The following PCDHGC3 variants were observed in gnomAD, a reference collection of about 807,000 sequenced individuals.
PCDHGC3 encodes protocadherin gamma subfamily C, 3.
PCDHGC3 carries 26 observed loss-of-function variants against 59.2 expected under a neutral mutation model. The observed-to-expected ratio is 0.44, with a 90% CI of 0.32 to 0.61. The LOEUF is 0.61. PCDHGC3 is among the 20% of genes least tolerant of loss of function. PCDHGC3 has a pLI of 0.05. For synonymous variants in PCDHGC3, 487 were observed against 519.7 expected (o/e 0.94, Z 0.86); for missense variants, 1,080 against 1,221.8 (o/e 0.88, Z 1.73).
At position 141,485,074 on chromosome 5, in the gene PCDHGC3, G is replaced by T. The variant is rs2099606548; in HGVS notation, c.2430+6528G>T. On this transcript the variant is annotated intron_variant, in intron 1 of 3. Transcript: ENST00000308177. The surrounding 1 kb of genome is among the most constrained non-coding windows in gnomAD (Gnocchi z 5.7). ...GGCCGAACCGCGCCAGAGCTGGCGCGGGGAAAGGGAGATAGGTGTCTCCAG... is the reference window on the plus strand; with the variant it reads ...GGCCGAACCGCGCCAGAGCTGGCGCTGGGAAAGGGAGATAGGTGTCTCCAG... The T allele has an allele frequency of 2.2e-6, 2 of 926,946 alleles. No homozygotes were observed. The highest frequency in any genetic ancestry group is 3.4e-6 in the Non-Finnish European group (2 of 596,630). 57.4% of individuals were successfully genotyped at this position (926,946 alleles called of 1,614,324 possible). A position where few individuals can be genotyped will look rare whatever the true frequency, so the allele number is the denominator to read the frequency against.
chr5:141,478,801 T>G (rs2099477985), intron 1 of PCDHGC3: 1 of 1,463,438 alleles, frequency 6.8e-7, no homozygotes, highest in African/African-American at 1.4e-5. Flanking sequence ...TCAGCACTCT[T>G]TTGCTATCAC....
Position 141,489,601 on chromosome 5 carries a change from G to A in PCDHGC3, c.2431-5206G>A. On this transcript the variant is annotated intron_variant, in intron 1 of 3. Transcript: ENST00000308177. This position sits in a 1 kb window ranked among gnomAD's most constrained non-coding sequence, Gnocchi z 4.5. ...CCCCCTGGAGCTAATCCGTGTAGAG[G>A]TAGAGATCCTGGATCTCAATGACAA... 2 of 1,614,042 alleles carry A rather than the reference G, an allele frequency of 1.2e-6. No individual in the cohort carries two copies. Among genetic ancestry groups the A allele is most frequent in the East Asian group, 4.5e-5 (2 of 44,882 alleles).
chr5:141,491,560 T>C lies in PCDHGC3; in HGVS notation c.2431-3247T>C. 1 of 1,613,986 alleles carries C rather than the reference T, an allele frequency of 6.2e-7. No homozygotes were observed. Among genetic ancestry groups the C allele is most frequent in the Non-Finnish European group, 8.5e-7 (1 of 1,180,026 alleles). ...GCCCACAGACTCGCAGAGCCACTGCTACAGGACGTGCTTTTCACCGGCCTC... is the reference window on the plus strand; with the variant it reads ...GCCCACAGACTCGCAGAGCCACTGCCACAGGACGTGCTTTTCACCGGCCTC... On this transcript the variant is annotated intron_variant, in intron 1 of 3. Coordinates refer to ENST00000308177, the MANE Select transcript of PCDHGC3 (RefSeq NM_002588.4). This position sits in a 1 kb window ranked among gnomAD's most constrained non-coding sequence, Gnocchi z 6.9.
intron 2 of PCDHGC3, among the ~76,000 whole-genome samples, chr5:141,502,827 A>G (rs1003204508): frequency 2.7e-5 from 4 of 150,478 alleles, no homozygotes; most frequent in African/African-American, 9.8e-5. Flanking sequence ...TCCTTGGGGA[A>G]GCCTGGACTG....
chr5:141,481,352 C>T (rs1007066307), intron 1 of PCDHGC3, among the ~76,000 whole-genome samples: 3 of 152,222 alleles, frequency 2.0e-5, no homozygotes, highest in East Asian at 1.9e-4. Flanking sequence ...TAAACATCTA[C>T]AGCTGTTCAA....
At chr5:141,481,318 A>C (rs758947998) in intron 1 of PCDHGC3, among the ~76,000 whole-genome samples, 6 of 152,216 alleles carry the variant, frequency 3.9e-5, no homozygotes, top group Non-Finnish European at 8.8e-5. Context: ...TTCCTAAAGC[A>C]CTAGCCCCTG....
In PCDHGC3 at chr5:141,485,974, A is replaced by G. The variant is rs755735500; in HGVS notation, c.2430+7428A>G. 1.9e-6 allele frequency: 3 copies of G among 1,614,108 alleles called. No homozygotes were observed. The highest frequency in any genetic ancestry group is 1.7e-5 in the Admixed American group (1 of 60,014). On this transcript the variant is annotated intron_variant, in intron 1 of 3. Coordinates refer to ENST00000308177, the MANE Select transcript of PCDHGC3 (RefSeq NM_002588.4). This position sits in a 1 kb window ranked among gnomAD's most constrained non-coding sequence, Gnocchi z 5.7. ...TGGTGCTCATCCAGCTCAATGCCTC[A>G]GACCCGGACCTGGGTCCCAGTGGTA...
At position 141,485,680 on chromosome 5, in the gene PCDHGC3, C is replaced by A. The variant is rs1450674419; in HGVS notation, c.2430+7134C>A. The A allele has an allele frequency of 6.2e-7, 1 of 1,613,966 alleles. No individual in the cohort carries two copies. On this transcript the variant is annotated intron_variant, in intron 1 of 3. Transcript: ENST00000308177. The surrounding 1 kb of genome is among the most constrained non-coding windows in gnomAD (Gnocchi z 5.7). ...ATGTGGGGAGCAATTCGATTAGCAGCTATAGGCTGAGCTCCAATGAACACT... is the reference window on the plus strand; with the variant it reads ...ATGTGGGGAGCAATTCGATTAGCAGATATAGGCTGAGCTCCAATGAACACT...
At chr5:141,508,576 C>A (rs1437398161) in intron 3 of PCDHGC3, among the ~76,000 whole-genome samples, 1 of 152,136 alleles carries the variant, frequency 6.6e-6, no homozygotes, top group African/African-American at 2.4e-5. Flanking sequence ...TGCACCCACT[C>A]GGGGTGCTAC....
intron 2 of PCDHGC3, among the ~76,000 whole-genome samples, chr5:141,498,555 C>T (rs2099784323): frequency 6.6e-6 from 1 of 152,032 alleles, no homozygotes; most frequent in South Asian, 2.1e-4. Flanking sequence ...GACACACCAG[C>T]TTCAAAGCAG....
In PCDHGC3 at chr5:141,486,563, G is replaced by A. The variant is rs558244990; in HGVS notation, c.2430+8017G>A. The A allele has an allele frequency of 1.2e-6, 2 of 1,614,006 alleles. No homozygotes were observed. The highest frequency in any genetic ancestry group is 1.7e-6 in the Non-Finnish European group (2 of 1,180,036). On this transcript the variant is annotated intron_variant, in intron 1 of 3. Coordinates refer to ENST00000308177, the MANE Select transcript of PCDHGC3 (RefSeq NM_002588.4). The surrounding 1 kb of genome is among the most constrained non-coding windows in gnomAD (Gnocchi z 5.0). ...CTTTCAGAGGTCACATGAGGTGTTTGTTCCTGAGAACAATCGCCCAGGGGA... is the reference window on the plus strand; with the variant it reads ...CTTTCAGAGGTCACATGAGGTGTTTATTCCTGAGAACAATCGCCCAGGGGA...
At chr5:141,492,606 C>G (rs1019615566) in intron 1 of PCDHGC3, among the ~76,000 whole-genome samples, 3 of 152,232 alleles carry the variant, frequency 2.0e-5, no homozygotes, top group African/African-American at 7.2e-5. Flanking sequence ...GACTGCCGCT[C>G]TAAGTGCCGG....
Position 141,478,446 on chromosome 5 carries a change from G to A in PCDHGC3, c.2330G>A (p.Gly777Asp). The change falls in exon 1 of 4, where the codon GGT (glycine) becomes GAT (aspartate). Residue 777 changes from glycine to aspartate, a missense_variant. Physicochemically the swap from Gly to Asp is moderately conservative, Grantham distance 94. Transcript: ENST00000308177. ...RRSDPLLKKP[G>D]AASPLASRQN... ...AGCGACCCGCTGCTGAAGAAACCTG[G>A]TGCAGCCAGTCCACTGGCCAGCCGC... The A allele has an allele frequency of 6.2e-7, 1 of 1,613,520 alleles. No homozygotes were observed. The highest frequency in any genetic ancestry group is 8.5e-7 in the Non-Finnish European group (1 of 1,179,930).
chr5:141,481,794 A>G (rs1433830305), intron 1 of PCDHGC3, among the ~76,000 whole-genome samples: 1 of 152,136 alleles, frequency 6.6e-6, no homozygotes, highest in Non-Finnish European at 1.5e-5. Context: ...TCTACTAAAA[A>G]TACAAAAATT....
Position 141,487,315 on chromosome 5 carries a change from G to T in PCDHGC3, c.2431-7492G>T, listed in dbSNP as rs568326280. 11 of 1,614,166 alleles carry T rather than the reference G, an allele frequency of 6.8e-6. No individual in the cohort carries two copies. In the South Asian group the frequency reaches 1.2e-4, roughly 18 times the overall value. ...GCTCATTCGTGGCACTACTCTCTAA[G>T]TGTCTTCGTGGGGCAGCCTGTGGAG... On this transcript the variant is annotated intron_variant, in intron 1 of 3. Transcript: ENST00000308177. The surrounding 1 kb of genome is among the most constrained non-coding windows in gnomAD (Gnocchi z 5.0).
In PCDHGC3 at chr5:141,487,822, G is replaced by T. The variant is rs1406642768; in HGVS notation, c.2431-6985G>T. ...TGTCACAGTTTAGCATTGGGGGCGG[G>T]TCATGCCTATATCTGAGTAAGAAAT... On this transcript the variant is annotated intron_variant, in intron 1 of 3. Coordinates refer to ENST00000308177, the MANE Select transcript of PCDHGC3 (RefSeq NM_002588.4). This position sits in a 1 kb window ranked among gnomAD's most constrained non-coding sequence, Gnocchi z 5.0. The T allele has an allele frequency of 3.1e-6, 4 of 1,278,640 alleles. No homozygotes were observed. The East Asian group carries it at 7.6e-5, about 24-fold the overall frequency. 79.2% of individuals were successfully genotyped at this position (1,278,640 alleles called of 1,614,324 possible). A position where few individuals can be genotyped will look rare whatever the true frequency, so the allele number is the denominator to read the frequency against.
chr5:141,479,020 T>C (rs961123768), intron 1 of PCDHGC3, among the ~76,000 whole-genome samples: 1 of 152,236 alleles, frequency 6.6e-6, no homozygotes, highest in African/African-American at 2.4e-5. Flanking sequence ...ATAATTTTCC[T>C]TTGTTTATAC....
chr5:141,478,711 T>C, intron 1 of PCDHGC3, 165 bp downstream of exon 1: 3 of 1,547,346 alleles, frequency 1.9e-6, no homozygotes, highest in Non-Finnish European at 1.7e-6. Flanking sequence ...CTTTGTGAGA[T>C]GGTGGCCTGC....
At chr5:141,500,417 G>A in intron 2 of PCDHGC3, among the ~76,000 whole-genome samples, 1 of 151,736 alleles carries the variant, frequency 6.6e-6, no homozygotes, top group East Asian at 2.0e-4. Flanking sequence ...CACCGTGTTA[G>A]CCAGGATGGT....
Sources: gnomAD v4.1 joint callset for allele counts (sites outside exome capture counted in the v4.1 genomes callset) on GRCh38, gnomAD v4.1.1 for gene constraint, Gnocchi (gnomAD v3.1) non-coding constraint, MANE v1.5 for transcripts, NCBI Gene and HGNC (gene_info 2026-07-23, HGNC 2026-07-21) for gene names.